MCOLN1: variants seen among roughly 807,000 people sequenced by gnomAD.
The protein encoded by MCOLN1 is mucolipin TRP cation channel 1.
In MCOLN1, 50 loss-of-function variants were observed where a neutral mutation model predicts 70.3. The ratio of observed to expected loss-of-function variants is 0.71; its 90% CI spans 0.57 to 0.90. The LOEUF (loss-of-function observed/expected upper bound fraction) is 0.90. Ranked by LOEUF, MCOLN1 falls within the 40% of genes least tolerant of loss-of-function variation. The pLI, the probability that MCOLN1 is intolerant of heterozygous loss-of-function variation, is 0.00. For synonymous variants in MCOLN1, 366 were observed against 341.0 expected (o/e 1.07, Z -0.81); for missense variants, 598 against 803.5 (o/e 0.74, Z 3.09).
chr19:7,530,301 A>G lies in MCOLN1; in HGVS notation c.1375A>G (p.Met459Val). The G allele has an allele frequency of 1.2e-6, 2 of 1,612,984 alleles. No homozygotes were observed. Among genetic ancestry groups the G allele is most frequent in the South Asian group, 1.1e-5 (1 of 91,074 alleles). ...PYHVKFRSLS[M>V]VSECLFSLIN... is the part of the protein sequence containing the mutation. The stretch of plus-strand genomic sequence containing the variant: ...CCTCTGGCAGTTCCGCTCACTCTCC[A>G]TGGTGTCTGAGTGCCTGTTCTCGCT... The change falls in exon 12 of 14, where the codon ATG becomes GTG. Residue 459 changes from methionine (M) to valine (V), a missense_variant. Around this residue, in one of 3 missense-constraint regions of MCOLN1, gnomAD observed 78 missense variants for 156.2 expected, o/e 0.50. Coordinates refer to ENST00000264079, the MANE Select transcript of MCOLN1 (RefSeq NM_020533.3).
rs1190230078 is a variant in MCOLN1 at position 7,529,024 on chromosome 19, A to G, written c.1134+54A>G. On this transcript the variant is annotated intron_variant, in intron 9 of 13. Coordinates refer to ENST00000264079, the MANE Select transcript of MCOLN1 (RefSeq NM_020533.3). ...GGTCCCATCCCTGCTGTCAGTGCCT[A>G]TCCGGGGCCATATCCTCCCCCAGGC... 6.2e-6 allele frequency: 10 copies of G among 1,613,638 alleles called. No homozygotes were observed. In the East Asian group the frequency reaches 6.7e-5, roughly 11 times the overall value.
rs1440278983 is a variant in MCOLN1 at position 7,529,529 on chromosome 19, G to A, written c.1237-61G>A. ...CCGCCCCTCCCACCCCCATCTGGGTGCCCACAGCTGACCTGAGTTGTGGCC... is the reference window on the plus strand; with the variant it reads ...CCGCCCCTCCCACCCCCATCTGGGTACCCACAGCTGACCTGAGTTGTGGCC... On this transcript the variant is annotated intron_variant, in intron 10 of 13. Coordinates refer to ENST00000264079, the MANE Select transcript of MCOLN1 (RefSeq NM_020533.3). 1.5e-5 allele frequency: 22 copies of A among 1,481,540 alleles called. No individual in the cohort carries two copies. The Admixed American group carries it at 3.5e-4, about 24-fold the overall frequency. The allele number at this position is 1,481,540 out of a possible 1,614,324, so 91.8% of individuals were successfully genotyped here.
chr19:7,532,440 ACTCACGCCTG>A (rs551829161), intron 12 of MCOLN1, among the ~76,000 whole-genome samples: 3 of 148,138 alleles, frequency 2.0e-5, no homozygotes, highest in Non-Finnish European at 4.5e-5. Context: ...GGGCACGGTG[ACTCACGCCTG>A]TAATCCCAGC....
At chr19:7,527,733 C>A in intron 5 of MCOLN1, 105 bp downstream of exon 5, 2 of 1,083,190 alleles carry the variant, frequency 1.8e-6, no homozygotes, top group Non-Finnish European at 2.9e-6. Flanking sequence ...GCCCCCCCGC[C>A]CGCGCTGGTG....
intron 12 of MCOLN1, 113 bp downstream of exon 12, chr19:7,530,614 G>C (rs908655135): frequency 1.5e-5 from 16 of 1,059,880 alleles, no homozygotes; most frequent in Non-Finnish European, 2.3e-5. Flanking sequence ...AGAGAATATG[G>C]GAGACTCTAT....
Position 7,528,055 on chromosome 19 carries a change from G to A in MCOLN1, c.777+95G>A, listed in dbSNP as rs576361732. On this transcript the variant is annotated intron_variant, in intron 6 of 13. Coordinates refer to ENST00000264079, the MANE Select transcript of MCOLN1 (RefSeq NM_020533.3). The surrounding 1 kb of genome is among the most constrained non-coding windows in gnomAD (Gnocchi z 4.2). Reference sequence around the variant, plus strand: ...GAGCACTGGCCAAGGGCAAGCGTGCGGGTGATGAGGGAGGGAGCCCGGGGT... The same window carrying A: ...GAGCACTGGCCAAGGGCAAGCGTGCAGGTGATGAGGGAGGGAGCCCGGGGT... 488 of 1,516,810 alleles carry A rather than the reference G, an allele frequency of 3.2e-4. 4 individuals are homozygous for A. Among genetic ancestry groups the A allele is most frequent in the Middle Eastern group, 1.7e-4 (1 of 5,882 alleles). 94.0% of individuals were successfully genotyped at this position (1,516,810 alleles called of 1,614,324 possible). A position where few individuals can be genotyped will look rare whatever the true frequency, so the allele number is the denominator to read the frequency against.
chr19:7,528,034 A>G lies in MCOLN1; in HGVS notation c.777+74A>G. 6.5e-7 allele frequency: 1 copy of G among 1,539,720 alleles called. No individual in the cohort carries two copies. The highest frequency in any genetic ancestry group is 1.4e-5 in the African/African-American group (1 of 73,432). On this transcript the variant is annotated intron_variant, in intron 6 of 13. Transcript: ENST00000264079. This position sits in a 1 kb window ranked among gnomAD's most constrained non-coding sequence, Gnocchi z 4.2. ...CCTGGTCAGGGAGTGTCTTGGGAGCACTGGCCAAGGGCAAGCGTGCGGGTG... is the reference window on the plus strand; with the variant it reads ...CCTGGTCAGGGAGTGTCTTGGGAGCGCTGGCCAAGGGCAAGCGTGCGGGTG...
rs1747497994 is a variant in MCOLN1, at chr19:7,528,528, C to T, written c.878-69C>T. The T allele has an allele frequency of 6.2e-7, 1 of 1,601,994 alleles. No homozygotes were observed. Among genetic ancestry groups the T allele is most frequent in the Non-Finnish European group, 8.5e-7 (1 of 1,172,964 alleles). ...CAGCCCCCTAGGTCTCCAGCCTGGC[C>T]TGGCACCAATGCTAGCCTCCCAAGG... On this transcript the variant is annotated intron_variant, in intron 7 of 13. Transcript: ENST00000264079. The surrounding 1 kb of genome is among the most constrained non-coding windows in gnomAD (Gnocchi z 4.2).
intron 12 of MCOLN1, among the ~76,000 whole-genome samples, chr19:7,531,099 T>A (rs1283092866): frequency 6.6e-6 from 1 of 152,080 alleles, no homozygotes; most frequent in African/African-American, 2.4e-5. Flanking sequence ...GGTCTCACTG[T>A]GTTACCCAGG....
At chr19:7,527,271 CAAAAAA>C (rs562144613) in intron 4 of MCOLN1, 165 of 235,476 alleles carry the variant, frequency 7.0e-4, no homozygotes, top group Middle Eastern at 1.2e-3. Context: ...GACCCTGTCT[CAAAAAA>C]AAAAAAAAAA....
chr19:7,523,397 C>G (rs2022522325), intron 1 of MCOLN1, among the ~76,000 whole-genome samples: 1 of 152,234 alleles, frequency 6.6e-6, no homozygotes, highest in African/African-American at 2.4e-5. Flanking sequence ...TGATAGATGT[C>G]CCGGTGTCCC....
chr19:7,525,201 C>G lies in MCOLN1; in HGVS notation c.237+35C>G, dbSNP rs1394501062. 2 of 1,577,716 alleles carry G rather than the reference C, an allele frequency of 1.3e-6. No individual in the cohort carries two copies. The highest frequency in any genetic ancestry group is 1.7e-6 in the Non-Finnish European group (2 of 1,148,906). On this transcript the variant is annotated intron_variant, in intron 2 of 13. Coordinates refer to ENST00000264079, the MANE Select transcript of MCOLN1 (RefSeq NM_020533.3). The surrounding 1 kb of genome is among the most constrained non-coding windows in gnomAD (Gnocchi z 4.2). The stretch of plus-strand genomic sequence containing the variant: ...GCCAAGCAGGGGCCCCAGCTGAAGG[C>G]CACCTGTGGCTGCTGTGCTCCTTGA...
In MCOLN1 at chr19:7,529,661, C is replaced by G. The variant is rs1599255682; in HGVS notation, c.1308C>G (p.Tyr436Ter). Residue 436 changes from tyrosine to a stop codon, truncating the protein, a stop_gained, in exon 11 of 14, where the codon TAC becomes TAG. Coordinates refer to ENST00000264079, the MANE Select transcript of MCOLN1 (RefSeq NM_020533.3). LOFTEE classifies it high-confidence loss of function. Reference protein sequence around the residue: ...MRFCCCVAVIYLGYCFCGWIV... With the variant: ...MRFCCCVAVI ...TCTGCTGCTGCGTGGCTGTCATCTA[C>G]CTGGGCTACTGCTTCTGTGGCTGGA... 1 of 1,614,220 alleles carries G rather than the reference C, an allele frequency of 6.2e-7. No homozygotes were observed. The highest frequency in any genetic ancestry group is 2.2e-5 in the East Asian group (1 of 44,884).
chr19:7,529,509 C>A, intron 10 of MCOLN1, 81 bp from the exon 11 acceptor site: 2 of 816,974 alleles, frequency 2.4e-6, no homozygotes, highest in East Asian at 2.9e-5. Context: ...AGGCCCCGCC[C>A]CTCCCACCCC....
chr19:7,522,657 C>T lies in MCOLN1; in HGVS notation c.-94C>T. On this transcript the variant is annotated 5_prime_UTR_variant, in exon 1 of 14. Transcript: ENST00000264079. ...GCTGATGCCGGAGGGTTTGAAGCCG[C>T]GCCGCGAGGGAGCGAGGTCGCAGTG... The T allele has an allele frequency of 7.5e-7, 1 of 1,329,982 alleles. No individual in the cohort carries two copies. Among genetic ancestry groups the T allele is most frequent in the Non-Finnish European group, 9.9e-7 (1 of 1,008,144 alleles). 82.4% of individuals were successfully genotyped at this position (1,329,982 alleles called of 1,614,324 possible).
At position 7,529,296 on chromosome 19, in the gene MCOLN1, A is replaced by G. The variant is rs2022619580; in HGVS notation, c.1236+94A>G. 11 of 1,192,212 alleles carry G rather than the reference A, an allele frequency of 9.2e-6. No homozygotes were observed. The South Asian group carries it at 9.9e-5, about 11-fold the overall frequency. 73.9% of individuals were successfully genotyped at this position (1,192,212 alleles called of 1,614,324 possible). A position where few individuals can be genotyped will look rare whatever the true frequency, so the allele number is the denominator to read the frequency against. The stretch of plus-strand genomic sequence containing the variant: ...ACGCAGCCCTCACCAGCCCCGGCCA[A>G]TGGCCCCTTGCAAGCCTCCTCCTCC... On this transcript the variant is annotated intron_variant, in intron 10 of 13. Transcript: ENST00000264079.
intron 10 of MCOLN1, 90 bp from the exon 11 acceptor site, chr19:7,529,500 G>A: frequency 1.2e-6 from 1 of 845,452 alleles, no homozygotes; most frequent in Non-Finnish European, 1.9e-6. Flanking sequence ...CCCTCGGCAA[G>A]GCCCCGCCCC....
chr19:7,525,226 AAG>A lies in MCOLN1; in HGVS notation c.237+65_237+66del, dbSNP rs1368457133. Reference sequence around the variant, plus strand: ...CCACCTGTGGCTGCTGTGCTCCTTGAAGAGAGTCTTAAAGCAGCACTTTGGAA... The same window carrying A: ...CCACCTGTGGCTGCTGTGCTCCTTGAAGAGTCTTAAAGCAGCACTTTGGAA... On this transcript the variant is annotated intron_variant, in intron 2 of 13. Coordinates refer to ENST00000264079, the MANE Select transcript of MCOLN1 (RefSeq NM_020533.3). This position sits in a 1 kb window ranked among gnomAD's most constrained non-coding sequence, Gnocchi z 4.2. 1.3e-6 allele frequency: 2 copies of A among 1,510,980 alleles called. No homozygotes were observed. Among genetic ancestry groups the A allele is most frequent in the Non-Finnish European group, 1.8e-6 (2 of 1,089,842 alleles). The allele number at this position is 1,510,980 out of a possible 1,614,324, so 93.6% of individuals were successfully genotyped here.
At position 7,530,140 on chromosome 19, in the gene MCOLN1, C is replaced by T. The variant is rs559853125; in HGVS notation, c.1360-146C>T. ...CCCTAGCCTGGAACCCGACCATTCA[C>T]ATGGTGACCGCAGCCCGGGACCCGG... On this transcript the variant is annotated intron_variant, in intron 11 of 13. Transcript: ENST00000264079. 3.2e-5 allele frequency: 25 copies of T among 786,766 alleles called. No homozygotes were observed. The South Asian group carries it at 3.4e-4, about 11-fold the overall frequency. The allele number at this position is 786,766 out of a possible 1,614,324, so 48.7% of individuals were successfully genotyped here.
Sources: allele counts gnomAD v4.1 joint callset (sites outside exome capture counted in the v4.1 genomes callset), GRCh38; gene constraint gnomAD v4.1.1; regional missense constraint gnomAD v4.1.1; non-coding constraint Gnocchi (gnomAD v3.1); transcripts MANE v1.5; gene names NCBI Gene and HGNC (gene_info 2026-07-23, HGNC 2026-07-21).